ZFAND6: variants seen among roughly 807,000 people sequenced by gnomAD.
The protein encoded by ZFAND6 is zinc finger AN1-type containing 6, also known as AN1-type zinc finger protein 6.
ZFAND6 carries 12 observed loss-of-function variants against 24.5 expected under a neutral mutation model. The observed-to-expected ratio is 0.49, with a 90% CI of 0.31 to 0.79. The LOEUF is 0.79. Among genes scored for constraint, ZFAND6 ranks in the 30% least tolerant of loss-of-function variants. The pLI, the probability that ZFAND6 is intolerant of heterozygous loss-of-function variation, is 0.04. For synonymous variants in ZFAND6, 92 were observed against 81.5 expected (o/e 1.13, Z -0.69); for missense variants, 207 against 245.9 (o/e 0.84, Z 1.06).
intron 1 of ZFAND6, among the ~76,000 whole-genome samples, chr15:80,085,199 C>T (rs2037917150): frequency 6.6e-6 from 1 of 152,178 alleles, no homozygotes; most frequent in South Asian, 2.1e-4. Context: ...TGTTCATTAT[C>T]TCTTTTTCTT....
At chr15:80,115,402 T>A (rs530258207) in intron 2 of ZFAND6, among the ~76,000 whole-genome samples, 1 of 152,316 alleles carries the variant, frequency 6.6e-6, no homozygotes, top group South Asian at 2.1e-4. Flanking sequence ...GTCTCTGGAT[T>A]TGTGGTTTTA....
chr15:80,116,082 T>G (rs1342658606), intron 2 of ZFAND6, among the ~76,000 whole-genome samples: 1 of 151,774 alleles, frequency 6.6e-6, no homozygotes, highest in Non-Finnish European at 1.5e-5. Flanking sequence ...CTAAGGAGCC[T>G]TTTTAGGTTT....
chr15:80,075,529 A>G (rs988367172), intron 1 of ZFAND6, among the ~76,000 whole-genome samples: 6 of 152,078 alleles, frequency 3.9e-5, no homozygotes, highest in African/African-American at 7.2e-5. Context: ...AAATTGACCT[A>G]GGTATTTGGG....
chr15:80,082,152 A>G (rs1188510230), intron 1 of ZFAND6, among the ~76,000 whole-genome samples: 1 of 152,190 alleles, frequency 6.6e-6, no homozygotes. Flanking sequence ...GAGTATACAT[A>G]GGATATGGGA....
At position 80,059,964 on chromosome 15, in the gene ZFAND6, G is replaced by T. The variant is rs576389003; in HGVS notation, c.-181+155G>T. 1.7e-3 allele frequency among the ~76,000 whole-genome samples: 252 copies of T among 151,176 alleles called. 1 individual carries two copies. Among genetic ancestry groups the T allele is most frequent in the African/African-American group, 5.9e-3 (244 of 41,436 alleles). ...GGAGGGCGGCCGGCCGGCGCAGCAG[G>T]TGGTGGGCCCGCGGGGGCCGCGGGC... On this transcript the variant is annotated intron_variant, in intron 1 of 6. Transcript: ENST00000261749.
Position 80,112,246 on chromosome 15 carries a change from G to T in ZFAND6, c.-17-8082G>T, listed in dbSNP as rs1314706004. On this transcript the variant is annotated intron_variant, in intron 2 of 6. Transcript: ENST00000261749. ...CTGCGCTCCAGCCTGGGCAACAAGA[G>T]CGAAACTCCATCTCAAAAAACTGCT... 6.6e-5 allele frequency among the ~76,000 whole-genome samples: 10 copies of T among 152,240 alleles called. No homozygotes were observed. In the East Asian group the frequency reaches 1.9e-3, roughly 30 times the overall value.
rs71455304 is a variant in ZFAND6, at chr15:80,099,618, C to CTTTCTTTT, written c.-18+1043_-18+1044insCTTTTTTT. 1.5e-3 allele frequency among the ~76,000 whole-genome samples: 169 copies of CTTTCTTTT among 109,184 alleles called. 3 individuals carry two copies. The highest frequency in any genetic ancestry group is 5.5e-3 in the African/African-American group (165 of 30,132). The allele number at this position is 109,184 out of a possible 152,430, so 71.6% of individuals were successfully genotyped here. A position where few individuals can be genotyped will look rare whatever the true frequency, so the allele number is the denominator to read the frequency against. On this transcript the variant is annotated intron_variant, in intron 2 of 6. Transcript: ENST00000261749. ...AGAATACACACTGAATATGGATATC[C>CTTTCTTTT]TTTTTTTTTTTTTTTTCGAGACGGA...
intron 1 of ZFAND6, among the ~76,000 whole-genome samples, chr15:80,070,720 G>A (rs16971685): frequency 0.02 from 2,975 of 152,106 alleles, 31 homozygotes; most frequent in Non-Finnish European, 0.03. Context: ...AAATTGATGC[G>A]AGAGCAAAGG....
At chr15:80,061,947 G>GT (rs2036357322) in intron 1 of ZFAND6, among the ~76,000 whole-genome samples, 2 of 152,276 alleles carry the variant, frequency 1.3e-5, no homozygotes, top group African/African-American at 4.8e-5. Context: ...GATTGAACTA[G>GT]TTCAACCTAG....
intron 1 of ZFAND6, among the ~76,000 whole-genome samples, chr15:80,072,911 CAG>C (rs2037058216): frequency 6.6e-6 from 1 of 151,974 alleles, no homozygotes; most frequent in Non-Finnish European, 1.5e-5. Context: ...TCTCCAATAA[CAG>C]GATTTTTTTT....
chr15:80,097,950 T>C (rs921486741), intron 1 of ZFAND6, among the ~76,000 whole-genome samples: 38 of 152,166 alleles, frequency 2.5e-4, no homozygotes, highest in Non-Finnish European at 7.3e-5. Context: ...AGAAATGTGC[T>C]ATAAACCATA....
At chr15:80,080,770 C>T (rs1335431310) in intron 1 of ZFAND6, among the ~76,000 whole-genome samples, 2 of 152,198 alleles carry the variant, frequency 1.3e-5, no homozygotes, top group Non-Finnish European at 2.9e-5. Flanking sequence ...AGCTTACAAT[C>T]ACTGCGGAAG....
chr15:80,133,255 C>T (rs1474234032), intron 6 of ZFAND6, among the ~76,000 whole-genome samples: 3 of 151,194 alleles, frequency 2.0e-5, no homozygotes, highest in Admixed American at 2.0e-4. Context: ...TACAGTGGCA[C>T]TATCTCGGCT....
chr15:80,104,666 T>C (rs181248004), intron 2 of ZFAND6, among the ~76,000 whole-genome samples: 1 of 152,368 alleles, frequency 6.6e-6, no homozygotes, highest in Admixed American at 6.5e-5. Flanking sequence ...TCTGGGGTAA[T>C]ATTTCATTGT....
chr15:80,079,904 G>A (rs1184415710), intron 1 of ZFAND6, among the ~76,000 whole-genome samples: 6 of 151,858 alleles, frequency 4.0e-5, no homozygotes, highest in South Asian at 2.1e-4. Context: ...ACCTGCCTCG[G>A]CCTCCCAAAA....
chr15:80,073,345 C>CT (rs1410952566), intron 1 of ZFAND6: 87 of 326,420 alleles, frequency 2.7e-4, no homozygotes, highest in South Asian at 4.5e-4. Context: ...GCTACTACAA[C>CT]TTTTTTTTAA....
At position 80,074,390 on chromosome 15, in the gene ZFAND6, A is replaced by G. The variant is rs74025981; in HGVS notation, c.-181+14581A>G. Among the ~76,000 whole-genome samples, 867 of 151,946 alleles carry G rather than the reference A, an allele frequency of 5.7e-3. 9 individuals carry two copies. Among genetic ancestry groups the G allele is most frequent in the African/African-American group, 0.02 (817 of 41,532 alleles). On this transcript the variant is annotated intron_variant, in intron 1 of 6. Transcript: ENST00000261749. ...GGCTGGCTTTTCTTTTTCTTCTGGT[A>G]AGCACATACCAGAAGAAATATTTTC... is the stretch of plus-strand genomic sequence containing the variant.
chr15:80,089,212 C>A (rs2038186384), intron 1 of ZFAND6, among the ~76,000 whole-genome samples: 2 of 148,516 alleles, frequency 1.3e-5, no homozygotes. Context: ...GCTGTGAGAT[C>A]CTTTGTGAGT....
intron 2 of ZFAND6, 98 bp downstream of exon 2, chr15:80,098,676 T>G (rs1362112378): frequency 1.3e-5 from 2 of 152,174 alleles, no homozygotes; most frequent in South Asian, 2.1e-4. Context: ...TAAGTCATCA[T>G]GATGAGACAT....
Sources: allele counts gnomAD v4.1 joint callset (sites outside exome capture counted in the v4.1 genomes callset), GRCh38; gene constraint gnomAD v4.1.1; transcripts MANE v1.5; gene names NCBI Gene and HGNC (gene_info 2026-07-23, HGNC 2026-07-21).